Variants in KSR2 observed in about 807,000 individuals in gnomAD.
The protein encoded by KSR2 is kinase suppressor of ras 2.
KSR2 carries 25 observed loss-of-function variants against 107.8 expected under a neutral mutation model. The ratio of observed to expected loss-of-function variants is 0.23; its 90% CI spans 0.17 to 0.32. The LOEUF is 0.32. Ranked by LOEUF, KSR2 falls within the 10% of genes least tolerant of loss-of-function variation. The pLI is 1.00. For synonymous variants in KSR2, 480 were observed against 507.0 expected, an observed-to-expected ratio of 0.95 and a Z score of 0.71; for missense variants, 887 against 1,268.9, an observed-to-expected ratio of 0.70 and a Z score of 4.57.
rs1436832878 is a variant in KSR2, at chr12:117,619,753, CAT to C, written c.1172-37396_1172-37395del. 4.0e-5 allele frequency among the ~76,000 whole-genome samples: 6 copies of C among 151,616 alleles called. No homozygotes were observed. In the East Asian group the frequency reaches 1.2e-3, roughly 30 times the overall value. On this transcript the variant is annotated intron_variant, in intron 5 of 19. Transcript: ENST00000339824. Reference sequence around the variant, plus strand: ...CTTATATGAGGCCAATTAATCATCTCATGTGAGCCTCAAAATTGATACTTTTT... The same window carrying C: ...CTTATATGAGGCCAATTAATCATCTCGTGAGCCTCAAAATTGATACTTTTT...
In KSR2 at chr12:117,914,058, C is replaced by T. The variant is rs1398485798; in HGVS notation, c.181-53627G>A. ...TAATATGGAAACAGTATACCTACCC[C>T]TCTGTGTATCCAGTTTCCCGTCTGA... On this transcript the variant is annotated intron_variant, in intron 1 of 19. Transcript: ENST00000339824. 2.0e-5 allele frequency among the ~76,000 whole-genome samples: 3 copies of T among 152,320 alleles called. No homozygotes were observed. The East Asian group carries it at 5.8e-4, about 29-fold the overall frequency.
intron 9 of KSR2, among the ~76,000 whole-genome samples, chr12:117,549,839 GAGA>G (rs1877166502): frequency 6.6e-6 from 1 of 151,860 alleles, no homozygotes; most frequent in Non-Finnish European, 1.5e-5. Flanking sequence ...GAAAGAGGGA[GAGA>G]AGGAGAGAAA....
chr12:117,849,109 A>AAGAAGGAGAAAGG lies in KSR2; in HGVS notation c.472+6306_472+6318dup, dbSNP rs1892823896. ...TACTCCTAGAAGATGATTGAGGACT[A>AAGAAGGAGAAAGG]AGAAGGAGAAAGGAGAAAGAGAACG... is the stretch of plus-strand genomic sequence containing the variant. On this transcript the variant is annotated intron_variant, in intron 3 of 19. Coordinates refer to ENST00000339824, the MANE Select transcript of KSR2 (RefSeq NM_173598.6). 2.0e-5 allele frequency among the ~76,000 whole-genome samples: 3 copies of AAGAAGGAGAAAGG among 152,296 alleles called. No homozygotes were observed. In the East Asian group the frequency reaches 5.8e-4, roughly 29 times the overall value.
At chr12:117,521,606 A>G (rs866251385) in intron 14 of KSR2, among the ~76,000 whole-genome samples, 51 of 152,378 alleles carry the variant, frequency 3.3e-4, no homozygotes, top group African/African-American at 1.1e-3. Context: ...AGAGCCACAC[A>G]TATTGCATTG....
chr12:117,529,265 GGGGTGCAGT>G (rs1429664783), intron 12 of KSR2, among the ~76,000 whole-genome samples: 5 of 152,194 alleles, frequency 3.3e-5, no homozygotes, highest in African/African-American at 4.8e-5. Context: ...TGCCCAGGCT[GGGGTGCAGT>G]GGCACAATCC....
At chr12:117,706,531 A>C (rs1158299496) in intron 4 of KSR2, among the ~76,000 whole-genome samples, 1 of 151,902 alleles carries the variant, frequency 6.6e-6, no homozygotes, top group African/African-American at 2.4e-5. Context: ...AACAGATATA[A>C]AAGTAGCTCA....
intron 1 of KSR2, among the ~76,000 whole-genome samples, chr12:117,915,902 C>T (rs1895156895): frequency 6.6e-6 from 1 of 152,066 alleles, no homozygotes. Flanking sequence ...ATCAACAAAA[C>T]CTTCTCTACC....
intron 1 of KSR2, among the ~76,000 whole-genome samples, chr12:117,861,467 C>T (rs1292609849): frequency 7.1e-6 from 1 of 139,958 alleles, no homozygotes; most frequent in Non-Finnish European, 1.5e-5. Flanking sequence ...CGGCTCACTG[C>T]AAGCTCCGCC....
intron 9 of KSR2, among the ~76,000 whole-genome samples, chr12:117,542,140 C>A (rs1019485126): frequency 5.3e-5 from 8 of 152,150 alleles, no homozygotes; most frequent in East Asian, 1.9e-4. Flanking sequence ...GATCCTCCCC[C>A]CTCAGCCTCC....
chr12:117,503,521 T>C (rs373836619), intron 14 of KSR2, among the ~76,000 whole-genome samples: 3 of 152,326 alleles, frequency 2.0e-5, no homozygotes, highest in East Asian at 1.9e-4. Flanking sequence ...CAGGATGATA[T>C]GCAGACCCAC....
intron 14 of KSR2, among the ~76,000 whole-genome samples, chr12:117,494,716 G>C (rs1336922013): frequency 6.6e-6 from 1 of 152,224 alleles, no homozygotes; most frequent in Non-Finnish European, 1.5e-5. Context: ...ACTTCAGAGA[G>C]ATACAAGTGC....
Position 117,682,422 on chromosome 12 carries a change from T to TG in KSR2, c.987-14765dup, listed in dbSNP as rs774410783. Among the ~76,000 whole-genome samples, 76 of 150,258 alleles carry TG rather than the reference T, an allele frequency of 5.1e-4. No individual in the cohort carries two copies. The East Asian group carries it at 6.5e-3, about 13-fold the overall frequency. The stretch of plus-strand genomic sequence containing the variant: ...CCTGCACATGTACTTCAGTTTTTTT[T>TG]GTTTTTTTTTTTGAGACGGAGTTTT... On this transcript the variant is annotated intron_variant, in intron 4 of 19. Transcript: ENST00000339824.
chr12:117,563,775 G>T (rs572929356), intron 7 of KSR2, among the ~76,000 whole-genome samples: 2 of 151,994 alleles, frequency 1.3e-5, no homozygotes, highest in Non-Finnish European at 2.9e-5. Flanking sequence ...GGATATTCCA[G>T]CCCCCTCTCT....
intron 3 of KSR2, among the ~76,000 whole-genome samples, chr12:117,823,117 C>CAA (rs547749914): frequency 8.1e-6 from 1 of 122,730 alleles, no homozygotes. Flanking sequence ...TCAAGGAACT[C>CAA]AAAAAAAAAA....
intron 3 of KSR2, among the ~76,000 whole-genome samples, chr12:117,834,170 G>A (rs2137125917): frequency 6.6e-6 from 1 of 151,702 alleles, no homozygotes; most frequent in Non-Finnish European, 1.5e-5. Flanking sequence ...AACAGAACTG[G>A]CATCACCCAA....
intron 3 of KSR2, among the ~76,000 whole-genome samples, chr12:117,802,756 G>A (rs894299796): frequency 2.6e-5 from 4 of 152,032 alleles, no homozygotes; most frequent in Admixed American, 6.5e-5. Context: ...GTAGGCCTGT[G>A]GAATCTTTGG....
chr12:117,476,198 G>A (rs1871764752), intron 17 of KSR2, among the ~76,000 whole-genome samples: 2 of 152,212 alleles, frequency 1.3e-5, no homozygotes, highest in African/African-American at 4.8e-5. Flanking sequence ...GCACATAGTA[G>A]GCAGCCAACA....
At chr12:117,787,438 G>A (rs1351794725) in intron 3 of KSR2, among the ~76,000 whole-genome samples, 1 of 152,148 alleles carries the variant, frequency 6.6e-6, no homozygotes, top group Non-Finnish European at 1.5e-5. Context: ...TTTGAGATGG[G>A]CCTGGCCAAG....
chr12:117,782,366 C>T (rs1423202704), intron 3 of KSR2, among the ~76,000 whole-genome samples: 3 of 152,176 alleles, frequency 2.0e-5, no homozygotes, highest in African/African-American at 4.8e-5. Context: ...TAGGCTCAAC[C>T]GATCCTCCCA....
Sources: allele counts gnomAD v4.1 joint callset (sites outside exome capture counted in the v4.1 genomes callset), GRCh38; gene constraint gnomAD v4.1.1; transcripts MANE v1.5; gene names NCBI Gene and HGNC (gene_info 2026-07-23, HGNC 2026-07-21).